The following PDPN variants were observed in gnomAD, a reference collection of about 807,000 sequenced individuals.
PDPN encodes the protein PA2.26 antigen.
Under a neutral mutation model 23.2 loss-of-function variants are expected in PDPN, and 12 were observed. That is an observed-to-expected ratio of 0.52 (90% CI 0.33 to 0.84). The LOEUF (loss-of-function observed/expected upper bound fraction) is 0.84. PDPN is among the 40% of genes least tolerant of loss of function. The pLI is 0.02. For synonymous variants in PDPN, 77 were observed against 76.7 expected, an observed-to-expected ratio of 1.00 and a Z score of -0.02; for missense variants, 199 against 212.2, an observed-to-expected ratio of 0.94 and a Z score of 0.39.
At position 13,605,030 on chromosome 1, in the gene PDPN, A is replaced by G. The variant is rs1478981589; in HGVS notation, c.68-2143A>G. Among the ~76,000 whole-genome samples, 5 of 152,346 alleles carry G rather than the reference A, an allele frequency of 3.3e-5. No individual in the cohort carries two copies. The East Asian group carries it at 9.6e-4, about 29-fold the overall frequency. ...AGGTAGCTCATCCAAAGCCATCTCT[A>G]CTGGATTAGGACTCTAGAATAAAAG... On this transcript the variant is annotated intron_variant, in intron 1 of 5. Transcript: ENST00000621990.
rs563036776 is a variant in PDPN at position 13,595,658 on chromosome 1, G to C, written c.68-11515G>C. Among the ~76,000 whole-genome samples, 9 of 152,314 alleles carry C rather than the reference G, an allele frequency of 5.9e-5. No individual in the cohort carries two copies. In the East Asian group the frequency reaches 1.7e-3, roughly 29 times the overall value. On this transcript the variant is annotated intron_variant, in intron 1 of 5. Transcript: ENST00000621990. ...GAGTCACACGCCCCCAGTGCCGTTA[G>C]CACACAGTCAGGTCTCATCTCGTCA...
intron 1 of PDPN, chr1:13,585,567 G>C (rs1640155189): frequency 7.4e-7 from 1 of 1,352,048 alleles, no homozygotes; most frequent in Non-Finnish European, 9.8e-7. Flanking sequence ...AAAAGCTGCT[G>C]GGTAACATCC....
rs1399086844 is a variant in PDPN at position 13,615,896 on chromosome 1, T to C, written c.483-9T>C. The C allele has an allele frequency of 6.2e-7, 1 of 1,613,170 alleles. No homozygotes were observed. Among genetic ancestry groups the C allele is most frequent in the East Asian group, 2.2e-5 (1 of 44,868 alleles). On this transcript the variant is annotated splice_polypyrimidine_tract_variant and intron_variant, in intron 5 of 5. Transcript: ENST00000621990. The stretch of plus-strand genomic sequence containing the variant: ...GAGACACGACCGTCACCCTTCTCTA[T>C]TTTCACAGGCCCTAAAGAGCTGAAG...
chr1:13,610,368 T>C lies in PDPN; in HGVS notation c.202-19T>C, dbSNP rs1224937987. On this transcript the variant is annotated intron_variant, in intron 2 of 5. Transcript: ENST00000621990. ...AGTAGGCTTTATTTCCTGTTTTTCC[T>C]CATTTACACCTACAATAGGTGGCAA... 6.2e-7 allele frequency: 1 copy of C among 1,605,980 alleles called. No homozygotes were observed.
intron 2 of PDPN, 150 bp downstream of exon 2, chr1:13,607,456 AAAG>A (rs1309123396): frequency 4.0e-6 from 2 of 499,156 alleles, no homozygotes; most frequent in Admixed American, 8.1e-5. Flanking sequence ...GTGGCTCAAC[AAAG>A]AAGAATAAGT....
At chr1:13,607,554 T>G (rs1466148731) in intron 2 of PDPN, among the ~76,000 whole-genome samples, 1 of 152,182 alleles carries the variant, frequency 6.6e-6, no homozygotes, top group Non-Finnish European at 1.5e-5. Context: ...TGTGAGGACC[T>G]GCTGCATGTC....
intron 1 of PDPN, among the ~76,000 whole-genome samples, chr1:13,597,355 C>T (rs1162501623): frequency 6.6e-6 from 1 of 152,166 alleles, no homozygotes; most frequent in Non-Finnish European, 1.5e-5. Context: ...CGTGAAAGAC[C>T]CTTTTAATCT....
At chr1:13,595,591 G>C (rs750992826) in intron 1 of PDPN, among the ~76,000 whole-genome samples, 2 of 152,202 alleles carry the variant, frequency 1.3e-5, no homozygotes, top group African/African-American at 4.8e-5. Context: ...ACACGTGTCT[G>C]ATCTCCTCAG....
At chr1:13,614,729 G>A (rs1487245400) in intron 5 of PDPN, 4 of 448,078 alleles carry the variant, frequency 8.9e-6, no homozygotes, top group Non-Finnish European at 1.7e-5. Context: ...TGAGGCTGCA[G>A]TGAGCTATGA....
At chr1:13,584,272 C>T in intron 1 of PDPN, 172 bp downstream of exon 1, 1 of 1,530,760 alleles carries the variant, frequency 6.5e-7, no homozygotes, top group Middle Eastern at 2.3e-4. Flanking sequence ...GCGGCTTAGT[C>T]GGTGCCAGGT....
intron 1 of PDPN, among the ~76,000 whole-genome samples, chr1:13,586,482 T>C (rs355027): frequency 0.19 from 28,449 of 151,970 alleles, 3,237 homozygotes; most frequent in East Asian, 0.55. Flanking sequence ...AACTCCTTCC[T>C]TTCTTTGGCT....
intron 1 of PDPN, among the ~76,000 whole-genome samples, chr1:13,587,856 C>T (rs758550515): frequency 2.8e-4 from 42 of 152,124 alleles, no homozygotes; most frequent in Non-Finnish European, 5.4e-4. Flanking sequence ...ATGTCTAACC[C>T]CAGCCCCTGT....
At chr1:13,606,511 A>G (rs1175282025) in intron 1 of PDPN, among the ~76,000 whole-genome samples, 1 of 152,086 alleles carries the variant, frequency 6.6e-6, no homozygotes, top group African/African-American at 2.4e-5. Flanking sequence ...TTTGCTTTTA[A>G]AAAGATGGAA....
intron 1 of PDPN, among the ~76,000 whole-genome samples, chr1:13,595,017 G>GAAAGA (rs1553144398): frequency 7.0e-6 from 1 of 142,860 alleles, no homozygotes; most frequent in South Asian, 2.3e-4. Flanking sequence ...AAGAAAGAAA[G>GAAAGA]AAAAAAAAAA....
At chr1:13,603,493 G>A (rs1487694479) in intron 1 of PDPN, among the ~76,000 whole-genome samples, 4 of 152,042 alleles carry the variant, frequency 2.6e-5, no homozygotes, top group Non-Finnish European at 2.9e-5. Flanking sequence ...ATATAAATAA[G>A]CATTGCTTAC....
intron 1 of PDPN, among the ~76,000 whole-genome samples, chr1:13,600,458 C>T (rs750229256): frequency 4.6e-5 from 7 of 151,760 alleles, no homozygotes; most frequent in Non-Finnish European, 8.8e-5. Flanking sequence ...GCCTCTGCCT[C>T]GGTTCAAGCG....
intron 1 of PDPN, among the ~76,000 whole-genome samples, chr1:13,593,555 A>G (rs1400107022): frequency 1.3e-5 from 2 of 152,186 alleles, no homozygotes; most frequent in African/African-American, 4.8e-5. Context: ...AGGCCAAGGG[A>G]CGCTAGTGGA....
chr1:13,608,386 G>A (rs767624475), intron 2 of PDPN, among the ~76,000 whole-genome samples: 15 of 152,154 alleles, frequency 9.9e-5, no homozygotes, highest in Non-Finnish European at 1.5e-4. Context: ...GTAACAGAAC[G>A]GAGGTTCCTG....
upstream of PDPN, chr1:13,583,795 G>C: frequency 6.5e-7 from 1 of 1,528,106 alleles, no homozygotes; most frequent in Non-Finnish European, 8.8e-7. Flanking sequence ...CCGCCTCCTC[G>C]GGAGAGATAA....
Sources: gnomAD v4.1 joint callset for allele counts (sites outside exome capture counted in the v4.1 genomes callset) on GRCh38, gnomAD v4.1.1 for gene constraint, MANE v1.5 for transcripts, NCBI Gene and HGNC (gene_info 2026-07-23, HGNC 2026-07-21) for gene names.